IL21R: variants seen among roughly 807,000 people sequenced by gnomAD.
The protein encoded by IL21R is interleukin 21 receptor.
IL21R carries 14 observed loss-of-function variants against 41.3 expected under a neutral mutation model. The observed-to-expected ratio is 0.34, with a 90% confidence interval of 0.22 to 0.53. The LOEUF is 0.53. IL21R is among the 20% of genes least tolerant of loss of function. The pLI is 0.94. For synonymous variants in IL21R, 286 were observed against 287.6 expected, an observed-to-expected ratio of 0.99 and a Z score of 0.05; for missense variants, 588 against 681.6, an observed-to-expected ratio of 0.86 and a Z score of 1.53.
chr16:27,429,241 A>G (rs931955358), intron 1 of IL21R, among the ~76,000 whole-genome samples: 4 of 151,608 alleles, frequency 2.6e-5, no homozygotes, highest in South Asian at 4.2e-4. Context: ...AACATAAAAA[A>G]GCCAATTTAC....
At position 27,440,248 on chromosome 16, in the gene IL21R, T is replaced by TATATATATATAG. The variant is rs1352160946; in HGVS notation, c.352+2562_352+2563insTATATATATAGA. 5.6e-3 allele frequency among the ~76,000 whole-genome samples: 356 copies of TATATATATATAG among 63,996 alleles called. 2 individuals carry two copies. Among genetic ancestry groups the TATATATATATAG allele is most frequent in the Non-Finnish European group, 7.6e-3 (287 of 37,614 alleles). 42.0% of individuals were successfully genotyped at this position (63,996 alleles called of 152,430 possible). On this transcript the variant is annotated intron_variant, in intron 4 of 8. Transcript: ENST00000337929. ...ATATATATATATATATATATATATA[T>TATATATATATAG]AGAGAGAGAGAGAGAGAGAGAGAGA...
At chr16:27,440,895 A>G (rs922234318) in intron 4 of IL21R, among the ~76,000 whole-genome samples, 1 of 151,990 alleles carries the variant, frequency 6.6e-6, no homozygotes, top group East Asian at 1.9e-4. Flanking sequence ...TACTAAAAAT[A>G]CAAAAATTAG....
At chr16:27,442,157 T>C (rs2087398676) in intron 4 of IL21R, among the ~76,000 whole-genome samples, 1 of 152,186 alleles carries the variant, frequency 6.6e-6, no homozygotes, top group Admixed American at 6.5e-5. Flanking sequence ...TTTGTGTGTG[T>C]GCATGCTGTG....
chr16:27,427,228 C>T, intron 1 of IL21R: 4 of 937,990 alleles, frequency 4.3e-6, no homozygotes, highest in African/African-American at 1.8e-5. Context: ...CTTTGTGGAG[C>T]ATGGGGTGGA....
At chr16:27,439,097 TCA>T (rs952045847) in intron 4 of IL21R, among the ~76,000 whole-genome samples, 7 of 152,124 alleles carry the variant, frequency 4.6e-5, no homozygotes, top group African/African-American at 1.7e-4. Flanking sequence ...TGTCTGTGAT[TCA>T]CACTCTGGGG....
rs939953968 is a variant in IL21R at position 27,440,343 on chromosome 16, A to G, written c.353-2619A>G. Among the ~76,000 whole-genome samples, 16 of 151,022 alleles carry G rather than the reference A, an allele frequency of 1.1e-4. 1 individual carries two copies. The South Asian group carries it at 3.4e-3, about 32-fold the overall frequency. ...GCCTGGGGTGCAGTGGCACAACCAT[A>G]GCTCATTGCAGCCTGGAACTCCTGG... On this transcript the variant is annotated intron_variant, in intron 4 of 8. Transcript: ENST00000337929.
Position 27,450,567 on chromosome 16 carries a change from C to A in IL21R, c.*1284C>A. 4.5e-6 allele frequency: 1 copy of A among 221,322 alleles called. No homozygotes were observed. Among genetic ancestry groups the A allele is most frequent in the Non-Finnish European group, 9.0e-6 (1 of 111,050 alleles). The allele number at this position is 221,322 out of a possible 1,614,324, so 13.7% of individuals were successfully genotyped here. On this transcript the variant is annotated 3_prime_UTR_variant, in exon 9 of 9. Transcript: ENST00000337929. ...AAGAAGCTAAGAAAATATTTCTTAG[C>A]AACATTTTCTTTTTCTTTTTTTTTT...
intron 4 of IL21R, among the ~76,000 whole-genome samples, chr16:27,439,273 C>T (rs1011419687): frequency 9.9e-5 from 15 of 152,004 alleles, no homozygotes; most frequent in African/African-American, 3.6e-4. Context: ...GATGTCTCCC[C>T]AGCCCCAGCC....
chr16:27,411,454 C>CTTTTTTTT, intron 1 of IL21R, among the ~76,000 whole-genome samples: 1 of 58,052 alleles, frequency 1.7e-5, no homozygotes, highest in Non-Finnish European at 3.0e-5. Context: ...GTCCTTTGTC[C>CTTTTTTTT]TTTTTTTTTT....
intron 1 of IL21R, among the ~76,000 whole-genome samples, chr16:27,414,216 CTCT>C (rs2086863819): frequency 8.3e-6 from 1 of 120,680 alleles, no homozygotes; most frequent in African/African-American, 3.0e-5. Flanking sequence ...AAGAAGACTC[CTCT>C]ATTTCTGCTT....
intron 4 of IL21R, among the ~76,000 whole-genome samples, chr16:27,439,247 C>T (rs1407734070): frequency 1.3e-5 from 2 of 151,870 alleles, no homozygotes; most frequent in South Asian, 4.2e-4. Context: ...CTCATAGATG[C>T]GCCCTCAAAC....
chr16:27,449,541 A>T lies in IL21R; in HGVS notation c.*258A>T. 1.8e-6 allele frequency: 1 copy of T among 543,084 alleles called. No homozygotes were observed. Among genetic ancestry groups the T allele is most frequent in the Non-Finnish European group, 3.3e-6 (1 of 306,274 alleles). The allele number at this position is 543,084 out of a possible 1,614,324, so 33.6% of individuals were successfully genotyped here. On this transcript the variant is annotated 3_prime_UTR_variant, in exon 9 of 9. Transcript: ENST00000337929. ...TGCACGTGCCTGTGGGCCTGGGATA[A>T]TGCCCATGGTACTCCATGCATTCAC...
intron 2 of IL21R, among the ~76,000 whole-genome samples, chr16:27,433,919 C>T (rs1419134497): frequency 6.6e-6 from 1 of 152,110 alleles, no homozygotes; most frequent in Non-Finnish European, 1.5e-5. Flanking sequence ...GTCCTTGACT[C>T]TATGAGGTCC....
chr16:27,433,422 C>T (rs536923673), intron 2 of IL21R, among the ~76,000 whole-genome samples: 2 of 152,068 alleles, frequency 1.3e-5, no homozygotes, highest in Non-Finnish European at 1.5e-5. Context: ...GCTGAGATCG[C>T]ACCACTGCAT....
chr16:27,402,981 G>T (rs1213761829), intron 1 of IL21R: 5 of 398,410 alleles, frequency 1.3e-5, no homozygotes, highest in South Asian at 9.7e-5. Flanking sequence ...GGGCATGGGT[G>T]TAGAGCCTGA....
intron 1 of IL21R, among the ~76,000 whole-genome samples, chr16:27,409,814 T>C (rs1457193342): frequency 1.3e-5 from 2 of 152,278 alleles, no homozygotes; most frequent in African/African-American, 4.8e-5. Context: ...CAGTCCTTTG[T>C]ATTTCTATAT....
At position 27,449,483 on chromosome 16, in the gene IL21R, G is replaced by A. The variant is rs2087552980; in HGVS notation, c.*200G>A. ...ATGTGTGTGTGTGTGTGTGTCTTAG[G>A]TGCGCAGTGGCATGTCCACGTGTGT... On this transcript the variant is annotated 3_prime_UTR_variant, in exon 9 of 9. Coordinates refer to ENST00000337929, the MANE Select transcript of IL21R (RefSeq NM_181078.3). The A allele has an allele frequency of 1.7e-6, 1 of 605,860 alleles. No individual in the cohort carries two copies. Among genetic ancestry groups the A allele is most frequent in the East Asian group, 2.8e-5 (1 of 35,686 alleles). The allele number at this position is 605,860 out of a possible 1,614,324, so 37.5% of individuals were successfully genotyped here.
At position 27,450,200 on chromosome 16, in the gene IL21R, C is replaced by G; in HGVS notation, c.*917C>G. ...GGGGTTTCCAGGCTTAAAATCAGTC[C>G]GTTTCGTCTCTTGGAAACAGCTCCC... On this transcript the variant is annotated 3_prime_UTR_variant, in exon 9 of 9. Coordinates refer to ENST00000337929, the MANE Select transcript of IL21R (RefSeq NM_181078.3). 4.3e-6 allele frequency: 1 copy of G among 232,906 alleles called. No homozygotes were observed. Among genetic ancestry groups the G allele is most frequent in the Middle Eastern group, 1.3e-3 (1 of 786 alleles). The allele number at this position is 232,906 out of a possible 1,614,324, so 14.4% of individuals were successfully genotyped here.
chr16:27,420,988 G>A (rs896945665), intron 1 of IL21R, among the ~76,000 whole-genome samples: 13 of 152,072 alleles, frequency 8.5e-5, no homozygotes, highest in Middle Eastern at 3.4e-3. Flanking sequence ...TTTTGTATAC[G>A]GTGTGAAGTA....
Sources: gnomAD v4.1 joint callset for allele counts (sites outside exome capture counted in the v4.1 genomes callset) on GRCh38, gnomAD v4.1.1 for gene constraint, MANE v1.5 for transcripts, NCBI Gene and HGNC (gene_info 2026-07-23, HGNC 2026-07-21) for gene names.